PLEKHA3: variants seen among roughly 807,000 people sequenced by gnomAD.
PLEKHA3 encodes pleckstrin homology domain-containing family A member 3.
A neutral mutation model predicts 39.2 loss-of-function variants in PLEKHA3; 19 were observed. The observed-to-expected ratio is 0.48, with a 90% CI of 0.34 to 0.71. PLEKHA3 has a LOEUF of 0.71. Ranked by LOEUF, PLEKHA3 falls within the 30% of genes least tolerant of loss-of-function variation. The pLI is 0.01. For synonymous variants in PLEKHA3, 97 were observed against 118.6 expected (o/e 0.82, Z 1.18); for missense variants, 253 against 359.5 (o/e 0.70, Z 2.40).
intron 2 of PLEKHA3, among the ~76,000 whole-genome samples, chr2:178,489,451 C>CTTTTTTTTTTTTTTTTTTTTTTTTT: frequency 1.2e-5 from 1 of 82,370 alleles, no homozygotes; most frequent in Non-Finnish European, 2.2e-5. Flanking sequence ...TCTTTTCCTT[C>CTTTTTTTTTTTTTTTTTTTTTTTTT]TTTTTTTTTT....
intron 1 of PLEKHA3, among the ~76,000 whole-genome samples, chr2:178,483,118 G>A (rs1344849473): frequency 1.3e-5 from 2 of 152,214 alleles, no homozygotes; most frequent in East Asian, 3.9e-4. Flanking sequence ...AATTAGCCAG[G>A]CATGATGGCA....
chr2:178,491,685 T>C (rs1485391710), intron 3 of PLEKHA3, among the ~76,000 whole-genome samples: 1 of 152,222 alleles, frequency 6.6e-6, no homozygotes, highest in Non-Finnish European at 1.5e-5. Context: ...ATAGTGAGAT[T>C]ATAGTTTGTC....
intron 5 of PLEKHA3, 131 bp from the exon 6 acceptor site, chr2:178,499,080 A>T (rs1575146161): frequency 3.6e-5 from 24 of 670,042 alleles, no homozygotes; most frequent in South Asian, 9.1e-5. Flanking sequence ...GAAAGATTAA[A>T]TTTTTTTTTG....
rs771963694 is a variant in PLEKHA3 at position 178,503,876 on chromosome 2, T to C, written c.892T>C (p.Phe298Leu). 2 of 1,611,374 alleles carry C rather than the reference T, an allele frequency of 1.2e-6. No individual in the cohort carries two copies. Among genetic ancestry groups the C allele is most frequent in the Non-Finnish European group, 1.7e-6 (2 of 1,177,988 alleles). The stretch of plus-strand genomic sequence containing the variant: ...TGAATCAGAAGATACTCTTCCATCC[T>C]TCTCTTCCTGAAGAAACTGAAGTGT... ...QSESEDTLPS[F>L]SS is the part of the protein sequence containing the mutation. Residue 298 changes from phenylalanine to leucine, a missense_variant, in exon 8 of 8, where the codon TTC becomes CTC. This residue lies in a region of PLEKHA3 where 127 missense variants were observed against 136.8 expected (regional missense o/e 0.93). Coordinates refer to ENST00000234453, the MANE Select transcript of PLEKHA3 (RefSeq NM_019091.4).
rs1314163949 is a variant in PLEKHA3, at chr2:178,504,466, G to A, written c.*579G>A. The A allele has an allele frequency of 6.6e-6, 1 of 152,318 alleles. No homozygotes were observed. The highest frequency in any genetic ancestry group is 1.9e-4 in the East Asian group (1 of 5,202). 9.4% of individuals were successfully genotyped at this position (152,318 alleles called of 1,614,324 possible). A position where few individuals can be genotyped will look rare whatever the true frequency, so the allele number is the denominator to read the frequency against. ...CCAGACTGTATTGTCCTTCATATGT[G>A]AAGTTGACACTACTGATTTGTCAAT... On this transcript the variant is annotated 3_prime_UTR_variant, in exon 8 of 8. Coordinates refer to ENST00000234453, the MANE Select transcript of PLEKHA3 (RefSeq NM_019091.4).
At chr2:178,483,549 G>A (rs1452994335) in intron 1 of PLEKHA3, among the ~76,000 whole-genome samples, 1 of 151,966 alleles carries the variant, frequency 6.6e-6, no homozygotes, top group Non-Finnish European at 1.5e-5. Context: ...GAATCATTTT[G>A]CCCAATATTT....
rs958266022 is a variant in PLEKHA3, at chr2:178,504,576, C to T, written c.*689C>T. ...GATGATTGCATTCTAACTTTTGTGA[C>T]CTACCAAATTTAAGATGTGTATACG... On this transcript the variant is annotated 3_prime_UTR_variant, in exon 8 of 8. Transcript: ENST00000234453. 2.6e-5 allele frequency: 4 copies of T among 152,228 alleles called. No homozygotes were observed. The highest frequency in any genetic ancestry group is 5.9e-5 in the Non-Finnish European group (4 of 67,842). 9.4% of individuals were successfully genotyped at this position (152,228 alleles called of 1,614,324 possible). A position where few individuals can be genotyped will look rare whatever the true frequency, so the allele number is the denominator to read the frequency against.
chr2:178,480,686 G>C lies in PLEKHA3; in HGVS notation c.-184G>C, dbSNP rs1685142737. The stretch of plus-strand genomic sequence containing the variant: ...GCGCCTCGCGGCCCCCAAGCTCCAC[G>C]CTGCGCCCGCTGTCCCGGCCTCTAA... On this transcript the variant is annotated 5_prime_UTR_variant, in exon 1 of 8. Transcript: ENST00000234453. The C allele has an allele frequency of 2.6e-6, 1 of 386,404 alleles. No individual in the cohort carries two copies. The highest frequency in any genetic ancestry group is 4.4e-6 in the Non-Finnish European group (1 of 226,406). 23.9% of individuals were successfully genotyped at this position (386,404 alleles called of 1,614,324 possible). A position where few individuals can be genotyped will look rare whatever the true frequency, so the allele number is the denominator to read the frequency against.
rs544043182 is a variant in PLEKHA3 at position 178,507,008 on chromosome 2, G to A, written c.*3121G>A. 6.6e-6 allele frequency: 1 copy of A among 151,658 alleles called. No homozygotes were observed. The highest frequency in any genetic ancestry group is 2.1e-4 in the South Asian group (1 of 4,802). The allele number at this position is 151,658 out of a possible 1,614,324, so 9.4% of individuals were successfully genotyped here. Reference sequence around the variant, plus strand: ...TTAAACTAGTTAATGTACATAGTTTGAAAAAATCAAATAGAACTAAAAGGT... The same window carrying A: ...TTAAACTAGTTAATGTACATAGTTTAAAAAAATCAAATAGAACTAAAAGGT... On this transcript the variant is annotated 3_prime_UTR_variant, in exon 8 of 8. Transcript: ENST00000234453.
In PLEKHA3 at chr2:178,493,843, T is replaced by C. The variant is rs372936161; in HGVS notation, c.314-10T>C. 8 of 1,609,608 alleles carry C rather than the reference T, an allele frequency of 5.0e-6. No homozygotes were observed. Among genetic ancestry groups the C allele is most frequent in the Non-Finnish European group, 5.9e-6 (7 of 1,176,706 alleles). On this transcript the variant is annotated splice_polypyrimidine_tract_variant and intron_variant, in intron 3 of 7. Coordinates refer to ENST00000234453, the MANE Select transcript of PLEKHA3 (RefSeq NM_019091.4). ...TGATCTAACTGTATATTTATGTATA[T>C]TCTTTTCAGAAATAAGTGAAACCAG...
chr2:178,499,971 C>T (rs577909594), intron 6 of PLEKHA3, among the ~76,000 whole-genome samples: 4 of 152,212 alleles, frequency 2.6e-5, no homozygotes, highest in African/African-American at 9.6e-5. Flanking sequence ...TCATGCTGAG[C>T]TGTTGTTTCA....
rs1158884654 is a variant in PLEKHA3 at position 178,505,314 on chromosome 2, T to G, written c.*1427T>G. 1.3e-5 allele frequency: 2 copies of G among 151,922 alleles called. No individual in the cohort carries two copies. The highest frequency in any genetic ancestry group is 2.9e-5 in the Non-Finnish European group (2 of 67,830). The allele number at this position is 151,922 out of a possible 1,614,324, so 9.4% of individuals were successfully genotyped here. ...TTGGTATTTGTTTAAAAAACTGTAA[T>G]TATAGGCCTTCCATCTTAAGTTTAA... On this transcript the variant is annotated 3_prime_UTR_variant, in exon 8 of 8. Coordinates refer to ENST00000234453, the MANE Select transcript of PLEKHA3 (RefSeq NM_019091.4).
intron 1 of PLEKHA3, among the ~76,000 whole-genome samples, chr2:178,482,307 T>C (rs980934491): frequency 6.6e-6 from 1 of 151,240 alleles, no homozygotes; most frequent in East Asian, 1.9e-4. Flanking sequence ...GAGGCGGAGG[T>C]GGGAGGATTG....
intron 1 of PLEKHA3, among the ~76,000 whole-genome samples, chr2:178,482,911 C>G (rs1685194990): frequency 6.6e-6 from 1 of 152,082 alleles, no homozygotes; most frequent in Non-Finnish European, 1.5e-5. Flanking sequence ...AATTTTAGTT[C>G]ATCTTAGGTC....
Position 178,513,074 on chromosome 2 carries a change from G to C in PLEKHA3, c.*9187G>C, listed in dbSNP as rs1013386745. ...AGACAGAGTCTCACCCTGTCGCCCA[G>C]GCTGGAGTGCAATGGCGCGATCTCG... On this transcript the variant is annotated 3_prime_UTR_variant, in exon 8 of 8. Transcript: ENST00000234453. The C allele has an allele frequency of 2.0e-5, 3 of 152,506 alleles. No homozygotes were observed. The highest frequency in any genetic ancestry group is 4.4e-5 in the Non-Finnish European group (3 of 68,138). The allele number at this position is 152,506 out of a possible 1,614,324, so 9.4% of individuals were successfully genotyped here.
intron 1 of PLEKHA3, among the ~76,000 whole-genome samples, chr2:178,484,907 C>G (rs1232970449): frequency 6.6e-6 from 1 of 152,222 alleles, no homozygotes; most frequent in Non-Finnish European, 1.5e-5. Flanking sequence ...GAATAAATAT[C>G]AATCGAACAA....
chr2:178,484,881 G>A (rs1685222054), intron 1 of PLEKHA3, among the ~76,000 whole-genome samples: 1 of 152,236 alleles, frequency 6.6e-6, no homozygotes, highest in Non-Finnish European at 1.5e-5. Context: ...TGTGATAGAT[G>A]TGAGCTCTAG....
rs75817737 is a variant in PLEKHA3 at position 178,499,855 on chromosome 2, C to T, written c.659+601C>T. ...AGAATGCATCCTTGTCATTAAGAGA[C>T]GCATGACTGTATATCAAGTGATGGT... On this transcript the variant is annotated intron_variant, in intron 6 of 7. Coordinates refer to ENST00000234453, the MANE Select transcript of PLEKHA3 (RefSeq NM_019091.4). Among the ~76,000 whole-genome samples the T allele has an allele frequency of 7.6e-3, 1,151 of 152,208 alleles. 16 individuals are homozygous for T. The highest frequency in any genetic ancestry group is 0.026 in the African/African-American group (1,091 of 41,532).
Position 178,499,234 on chromosome 2 carries a change from T to C in PLEKHA3, c.639T>C (p.Pro213=), listed in dbSNP as rs1484655488. ...VQMMKRSVSH[P]GSCSSERSSH... Reference sequence around the variant, plus strand: ...AGATGAAGCGTTCTGTCAGCCACCCTGGTTCTTGCAGTTCAGAGAGGTAAA... The same window carrying C: ...AGATGAAGCGTTCTGTCAGCCACCCCGGTTCTTGCAGTTCAGAGAGGTAAA... Residue 213 remains proline (P), a synonymous_variant, in exon 6 of 8, where the codon CCT becomes CCC. Coordinates refer to ENST00000234453, the MANE Select transcript of PLEKHA3 (RefSeq NM_019091.4). 3.7e-6 allele frequency: 6 copies of C among 1,612,254 alleles called. No homozygotes were observed. The highest frequency in any genetic ancestry group is 3.4e-6 in the Non-Finnish European group (4 of 1,179,290).
Sources: allele counts gnomAD v4.1 joint callset (sites outside exome capture counted in the v4.1 genomes callset), GRCh38; gene constraint gnomAD v4.1.1; regional missense constraint gnomAD v4.1.1; transcripts MANE v1.5; gene names NCBI Gene and HGNC (gene_info 2026-07-23, HGNC 2026-07-21).